The following CHCHD3 variants were observed in gnomAD, a reference collection of about 807,000 sequenced individuals.
CHCHD3 encodes the protein MICOS complex subunit MIC19.
CHCHD3 carries 20 observed loss-of-function variants against 38.2 expected under a neutral mutation model. The ratio of observed to expected loss-of-function variants is 0.52; its 90% CI spans 0.37 to 0.76. CHCHD3 has a LOEUF of 0.76. Among genes scored for constraint, CHCHD3 ranks in the 30% least tolerant of loss-of-function variants. The pLI, the probability that CHCHD3 is intolerant of heterozygous loss-of-function variation, is 0.00. For missense variants in CHCHD3, 245 were observed against 279.2 expected (o/e 0.88, Z 0.87); for synonymous variants, 82 against 100.0 (o/e 0.82, Z 1.07).
chr7:133,020,597 G>A (rs1177162388), intron 3 of CHCHD3, among the ~76,000 whole-genome samples: 2 of 152,100 alleles, frequency 1.3e-5, no homozygotes, highest in African/African-American at 2.4e-5. Context: ...ATTTTTCCAC[G>A]TTTTCACAAA....
At chr7:133,055,545 T>G (rs949353211) in intron 2 of CHCHD3, among the ~76,000 whole-genome samples, 4 of 146,898 alleles carry the variant, frequency 2.7e-5, no homozygotes, top group Admixed American at 1.4e-4. Flanking sequence ...TTATAATTGT[T>G]TATAATTATT....
intron 2 of CHCHD3, among the ~76,000 whole-genome samples, chr7:133,042,962 G>A (rs1390168715): frequency 3.3e-5 from 5 of 152,006 alleles, no homozygotes; most frequent in African/African-American, 4.8e-5. Flanking sequence ...AATGGCCAGG[G>A]CTCCAGTGAT....
intron 4 of CHCHD3, chr7:132,972,493 A>G: frequency 1.3e-6 from 1 of 770,806 alleles, no homozygotes; most frequent in Non-Finnish European, 1.6e-6. Flanking sequence ...GAGTGATTTT[A>G]GTATCCCTTT....
chr7:132,944,822 T>C (rs1183688253), intron 4 of CHCHD3, among the ~76,000 whole-genome samples: 3 of 152,068 alleles, frequency 2.0e-5, no homozygotes, highest in Non-Finnish European at 4.4e-5. Flanking sequence ...AAACATTTTG[T>C]ATAATAAACA....
chr7:133,034,824 T>C (rs1813613525), intron 2 of CHCHD3: 1 of 1,611,520 alleles, frequency 6.2e-7, no homozygotes, highest in Non-Finnish European at 8.5e-7. Flanking sequence ...GCTGCTATTG[T>C]TGGTTCCAAA....
At chr7:132,803,563 C>T (rs1465015865) in intron 6 of CHCHD3, among the ~76,000 whole-genome samples, 1 of 151,754 alleles carries the variant, frequency 6.6e-6, no homozygotes, top group Non-Finnish European at 1.5e-5. Flanking sequence ...GAGTTATTTC[C>T]AATCCCTCAT....
Position 132,836,402 on chromosome 7 carries a change from G to A in CHCHD3, c.524+1997C>T, listed in dbSNP as rs1244102442. Among the ~76,000 whole-genome samples the A allele has an allele frequency of 1.3e-5, 2 of 152,112 alleles. 1 individual carries two copies. Among genetic ancestry groups the A allele is most frequent in the Non-Finnish European group, 2.9e-5 (2 of 68,018 alleles). ...CCCAAAGTGCTGGGATTACAGGTGTGAGCCATCACGCCTGGCGCCATGTCT... is the reference window on the plus strand; with the variant it reads ...CCCAAAGTGCTGGGATTACAGGTGTAAGCCATCACGCCTGGCGCCATGTCT... On this transcript the variant is annotated intron_variant, in intron 6 of 7. Coordinates refer to ENST00000262570, the MANE Select transcript of CHCHD3 (RefSeq NM_017812.4).
intron 3 of CHCHD3, among the ~76,000 whole-genome samples, chr7:133,015,600 A>G (rs896265362): frequency 2.0e-5 from 3 of 152,164 alleles, no homozygotes; most frequent in Non-Finnish European, 2.9e-5. Flanking sequence ...TAACTGTTTG[A>G]TACTTCTTCC....
intron 4 of CHCHD3, among the ~76,000 whole-genome samples, chr7:132,963,266 C>T (rs188571890): frequency 1.0e-4 from 15 of 148,074 alleles, no homozygotes; most frequent in Admixed American, 4.0e-4. Flanking sequence ...ACAACTTTAC[C>T]GTAAGCTAAA....
intron 4 of CHCHD3, among the ~76,000 whole-genome samples, chr7:132,926,909 G>A (rs1219506571): frequency 6.6e-6 from 1 of 152,032 alleles, no homozygotes; most frequent in Non-Finnish European, 1.5e-5. Context: ...CATGGATACA[G>A]AGGGGTAACT....
chr7:132,953,436 G>C (rs1048053402), intron 4 of CHCHD3, among the ~76,000 whole-genome samples: 1 of 152,116 alleles, frequency 6.6e-6, no homozygotes, highest in Non-Finnish European at 1.5e-5. Context: ...GAACAGATCT[G>C]ACCTTAGGTT....
At chr7:132,881,285 A>T (rs1471317960) in intron 5 of CHCHD3, among the ~76,000 whole-genome samples, 1 of 152,156 alleles carries the variant, frequency 6.6e-6, no homozygotes, top group Non-Finnish European at 1.5e-5. Context: ...TTCCATTCAC[A>T]CATGGGAATT....
intron 2 of CHCHD3, among the ~76,000 whole-genome samples, chr7:133,046,575 G>C (rs572835978): frequency 3.2e-4 from 11 of 34,812 alleles, no homozygotes; most frequent in Middle Eastern, 0.027. Flanking sequence ...TTTTTTGGGG[G>C]GGGGAGACGG....
chr7:132,845,416 A>G (rs1808053659), intron 5 of CHCHD3, among the ~76,000 whole-genome samples: 1 of 152,208 alleles, frequency 6.6e-6, no homozygotes, highest in Non-Finnish European at 1.5e-5. Context: ...TTAACCAGAC[A>G]TTGGTGAATG....
chr7:133,057,727 G>A (rs1160968600), intron 2 of CHCHD3, among the ~76,000 whole-genome samples: 2 of 152,078 alleles, frequency 1.3e-5, no homozygotes, highest in Non-Finnish European at 2.9e-5. Flanking sequence ...TATGTCAGTA[G>A]AGGTATGTTT....
intron 4 of CHCHD3, among the ~76,000 whole-genome samples, chr7:132,896,151 T>G (rs1208611270): frequency 2.0e-5 from 3 of 152,242 alleles, no homozygotes; most frequent in Non-Finnish European, 4.4e-5. Flanking sequence ...CAAATCTTTG[T>G]AATGTAATGA....
At chr7:133,021,144 C>T (rs957547022) in intron 3 of CHCHD3, among the ~76,000 whole-genome samples, 1 of 152,112 alleles carries the variant, frequency 6.6e-6, no homozygotes, top group Admixed American at 6.5e-5. Flanking sequence ...AGAACCACTG[C>T]CTTAATCAAT....
At chr7:132,974,076 GCAGAA>G in intron 4 of CHCHD3, 1 of 1,222,926 alleles carries the variant, frequency 8.2e-7, no homozygotes, top group Non-Finnish European at 1.0e-6. Flanking sequence ...AATACAAAAG[GCAGAA>G]CATTATTCAG....
At chr7:133,067,638 T>C (rs1814709187) in intron 2 of CHCHD3, among the ~76,000 whole-genome samples, 3 of 152,234 alleles carry the variant, frequency 2.0e-5, no homozygotes, top group Non-Finnish European at 2.9e-5. Flanking sequence ...TTGGGCATTT[T>C]AATAAACTGG....
Sources: allele counts gnomAD v4.1 joint callset (sites outside exome capture counted in the v4.1 genomes callset), GRCh38; gene constraint gnomAD v4.1.1; transcripts MANE v1.5; gene names NCBI Gene and HGNC (gene_info 2026-07-23, HGNC 2026-07-21).